The following SLC35A1 variants were observed in gnomAD, a reference collection of about 807,000 sequenced individuals.
SLC35A1 encodes CMP-sialic acid transporter.
In SLC35A1, 21 loss-of-function variants were observed where a neutral mutation model predicts 40.3. That is an observed-to-expected ratio of 0.52 (90% confidence interval 0.37 to 0.75). The LOEUF is 0.75. SLC35A1 is among the 30% of genes least tolerant of loss of function. The probability of loss-of-function intolerance (pLI) is 0.00; values close to 1 mark genes in which losing one functional copy is unlikely to be tolerated. For synonymous variants in SLC35A1, 146 were observed against 147.3 expected (o/e 0.99, Z 0.06); for missense variants, 297 against 382.1 (o/e 0.78, Z 1.86).
chr6:87,502,153 T>C (rs560953017), intron 4 of SLC35A1, among the ~76,000 whole-genome samples: 13 of 152,224 alleles, frequency 8.5e-5, no homozygotes, highest in Non-Finnish European at 1.8e-4. Context: ...TACTGTTTCT[T>C]TCTATAATAT....
At chr6:87,478,533 G>T (rs541921938) in intron 2 of SLC35A1, among the ~76,000 whole-genome samples, 1 of 152,250 alleles carries the variant, frequency 6.6e-6, no homozygotes, top group East Asian at 1.9e-4. Context: ...TGTAGAAACA[G>T]ACATTACATT....
At chr6:87,473,048 A>G in intron 1 of SLC35A1, 29 bp downstream of exon 1, 1 of 531,706 alleles carries the variant, frequency 1.9e-6, no homozygotes, top group Non-Finnish European at 3.1e-6. Flanking sequence ...GGGAGTGGGG[A>G]GTCCGCGGGG....
chr6:87,489,384 G>T (rs777878417), intron 2 of SLC35A1, among the ~76,000 whole-genome samples: 5 of 152,076 alleles, frequency 3.3e-5, no homozygotes, highest in Non-Finnish European at 7.4e-5. Context: ...TTTCTCGGGA[G>T]TGGGTTATAA....
rs757568696 is a variant in SLC35A1 at position 87,501,183 on chromosome 6, G to C, written c.380G>C (p.Cys127Ser). The C allele has an allele frequency of 6.2e-7, 1 of 1,613,704 alleles. No homozygotes were observed. The highest frequency in any genetic ancestry group is 1.3e-5 in the African/African-American group (1 of 74,864). Residue 127 changes from cysteine to serine, a missense_variant, in exon 4 of 8, where the codon TGT (cysteine) becomes TCT (serine). Transcript: ENST00000369552. ...GTGACCTACCAGTTGAAGATTCCGT[G>C]TACTGCTTTATGCACTGTTTTAATG... is the stretch of plus-strand genomic sequence containing the variant. Reference protein sequence around the residue: ...YQVTYQLKIPCTALCTVLMLN... With the variant: ...YQVTYQLKIPSTALCTVLMLN...
chr6:87,501,756 A>G (rs967237017), intron 4 of SLC35A1, among the ~76,000 whole-genome samples: 9 of 152,232 alleles, frequency 5.9e-5, no homozygotes, highest in Admixed American at 1.3e-4. Flanking sequence ...CTCAACTGTC[A>G]GTCTCTGGCA....
chr6:87,484,551 G>A (rs778376756), intron 2 of SLC35A1, among the ~76,000 whole-genome samples: 2 of 152,100 alleles, frequency 1.3e-5, no homozygotes, highest in African/African-American at 4.8e-5. Context: ...AACTAATTCC[G>A]ATTGGCTAAT....
At chr6:87,493,180 A>G (rs2127970297) in intron 2 of SLC35A1, among the ~76,000 whole-genome samples, 1 of 152,286 alleles carries the variant, frequency 6.6e-6, no homozygotes, top group South Asian at 2.1e-4. Flanking sequence ...TATTATCATT[A>G]TTTTGATGCT....
chr6:87,495,073 A>G (rs150597101), intron 2 of SLC35A1, among the ~76,000 whole-genome samples: 15 of 151,674 alleles, frequency 9.9e-5, no homozygotes, highest in African/African-American at 2.9e-4. Context: ...GGGCTCAAGC[A>G]ATCCTTCTGC....
At chr6:87,497,726 A>C (rs1769778815) in intron 2 of SLC35A1, among the ~76,000 whole-genome samples, 1 of 151,586 alleles carries the variant, frequency 6.6e-6, no homozygotes, top group Non-Finnish European at 1.5e-5. Context: ...CTAATGTCTT[A>C]TTTTTTTCTT....
intron 2 of SLC35A1, chr6:87,499,188 G>A (rs1582187404): frequency 2.3e-6 from 2 of 874,690 alleles, no homozygotes; most frequent in African/African-American, 1.8e-5. Context: ...TAATATAATG[G>A]ACTTTTGCTT....
rs1769452989 is a variant in SLC35A1, at chr6:87,488,591, A to G, written c.194+11052A>G. ...CAGTCTGGTACTGAGGCAGTGCCCT[A>G]GAACTTTGTAAGAGTTAAATTAAGC... On this transcript the variant is annotated intron_variant, in intron 2 of 7. Transcript: ENST00000369552. 4 of 152,254 alleles carry G rather than the reference A, an allele frequency of 2.6e-5. No homozygotes were observed. In the South Asian group the frequency reaches 8.3e-4, roughly 32 times the overall value. The allele number at this position is 152,254 out of a possible 1,614,324, so 9.4% of individuals were successfully genotyped here.
At chr6:87,488,732 T>A (rs1201564055) in intron 2 of SLC35A1, among the ~76,000 whole-genome samples, 1 of 152,232 alleles carries the variant, frequency 6.6e-6, no homozygotes, top group African/African-American at 2.4e-5. Context: ...TTTGGAGATC[T>A]GAAGTCTAGT....
At chr6:87,473,543 C>G (rs1432418838) in intron 1 of SLC35A1, among the ~76,000 whole-genome samples, 1 of 152,178 alleles carries the variant, frequency 6.6e-6, no homozygotes, top group East Asian at 1.9e-4. Context: ...GCACTGAAAT[C>G]GTAACGAAAG....
intron 4 of SLC35A1, among the ~76,000 whole-genome samples, chr6:87,504,966 T>A (rs1403425802): frequency 6.6e-6 from 1 of 152,200 alleles, no homozygotes; most frequent in African/African-American, 2.4e-5. Context: ...TTAGCGTACA[T>A]CAGAATCAAC....
At chr6:87,479,431 A>C (rs186640179) in intron 2 of SLC35A1, among the ~76,000 whole-genome samples, 133 of 152,324 alleles carry the variant, frequency 8.7e-4, no homozygotes, top group African/African-American at 3.0e-3. Flanking sequence ...GGAAGTAAGA[A>C]TTGAGGCTGT....
At chr6:87,488,624 G>C (rs1164386440) in intron 2 of SLC35A1, 1 of 152,174 alleles carries the variant, frequency 6.6e-6, no homozygotes, top group Non-Finnish European at 1.5e-5. Flanking sequence ...AGCAGGCCAG[G>C]GTAGGTATAA....
intron 4 of SLC35A1, among the ~76,000 whole-genome samples, chr6:87,504,271 GAAA>G (rs1159630556): frequency 1.0e-5 from 1 of 96,796 alleles, no homozygotes; most frequent in Non-Finnish European, 2.4e-5. Context: ...GTCTCAAAAA[GAAA>G]AAAAAAAAAA....
At chr6:87,503,573 G>A (rs559179707) in intron 4 of SLC35A1, among the ~76,000 whole-genome samples, 3 of 152,078 alleles carry the variant, frequency 2.0e-5, no homozygotes, top group Non-Finnish European at 4.4e-5. Context: ...TTAGCTGGGC[G>A]TGGTGGCAGG....
chr6:87,506,053 G>T (rs551445466), intron 4 of SLC35A1, among the ~76,000 whole-genome samples: 7 of 152,162 alleles, frequency 4.6e-5, no homozygotes, highest in Non-Finnish European at 1.0e-4. Flanking sequence ...AGTGATAATA[G>T]AAATTAAAAT....
Sources: gnomAD v4.1 joint callset for allele counts (sites outside exome capture counted in the v4.1 genomes callset) on GRCh38, gnomAD v4.1.1 for gene constraint, MANE v1.5 for transcripts, NCBI Gene and HGNC (gene_info 2026-07-23, HGNC 2026-07-21) for gene names.